KCNIP4: variants seen among roughly 807,000 people sequenced by gnomAD.
KCNIP4 encodes Kv channel-interacting protein 4.
A neutral mutation model predicts 34.0 loss-of-function variants in KCNIP4; 12 were observed. The observed-to-expected ratio is 0.35, with a 90% CI of 0.23 to 0.57. KCNIP4 has a LOEUF of 0.57. Among genes scored for constraint, KCNIP4 ranks in the 20% least tolerant of loss-of-function variants. The probability of loss-of-function intolerance (pLI) is 0.83; values close to 1 mark genes in which losing one functional copy is unlikely to be tolerated. For synonymous variants in KCNIP4, 124 were observed against 102.2 expected, an observed-to-expected ratio of 1.21 and a Z score of -1.29; for missense variants, 238 against 311.7, an observed-to-expected ratio of 0.76 and a Z score of 1.78.
At chr4:21,234,165 T>C (rs1453386516) in intron 1 of KCNIP4, among the ~76,000 whole-genome samples, 1 of 106,750 alleles carries the variant, frequency 9.4e-6, no homozygotes, top group African/African-American at 4.9e-5. Context: ...ATAACGTATA[T>C]TATATATAAC....
intron 1 of KCNIP4, among the ~76,000 whole-genome samples, chr4:21,419,354 A>AATG (rs1272711449): frequency 2.6e-5 from 4 of 151,880 alleles, no homozygotes; most frequent in Non-Finnish European, 4.4e-5. Context: ...ACACCAGGAA[A>AATG]ATGATGATGA....
intron 1 of KCNIP4, among the ~76,000 whole-genome samples, chr4:21,339,393 C>T (rs1428701413): frequency 6.6e-6 from 1 of 152,156 alleles, no homozygotes; most frequent in Non-Finnish European, 1.5e-5. Context: ...TATGGAAAGG[C>T]ACTTACTAGC....
intron 5 of KCNIP4, among the ~76,000 whole-genome samples, chr4:20,741,950 G>A (rs114996784): frequency 0.21 from 32,243 of 152,054 alleles, 3,752 homozygotes; most frequent in East Asian, 0.45. Context: ...ACCTCTATGC[G>A]AATAAACTAG....
intron 1 of KCNIP4, among the ~76,000 whole-genome samples, chr4:21,797,204 G>C (rs1174652724): frequency 6.6e-6 from 1 of 152,184 alleles, no homozygotes; most frequent in Non-Finnish European, 1.5e-5. Flanking sequence ...CTAAAGTGCA[G>C]TGGCGTGATC....
chr4:21,058,840 C>A lies in KCNIP4; in HGVS notation c.62-176131G>T, dbSNP rs146812404. Among the ~76,000 whole-genome samples the A allele has an allele frequency of 3.7e-3, 556 of 152,188 alleles. 4 individuals are homozygous for A. The highest frequency in any genetic ancestry group is 5.4e-3 in the Non-Finnish European group (368 of 67,990). ...GCCCAATGACTGACTGTGGTAGGAA[C>A]CCCTGATTCTTCTGATTAAAAATGA... On this transcript the variant is annotated intron_variant, in intron 1 of 8. Transcript: ENST00000382152.
intron 1 of KCNIP4, among the ~76,000 whole-genome samples, chr4:21,235,329 G>A (rs759488716): frequency 2.0e-5 from 3 of 152,120 alleles, no homozygotes; most frequent in Non-Finnish European, 4.4e-5. Context: ...TTGAGAACTG[G>A]CTCCTGGCTC....
At chr4:21,757,219 GAAA>G (rs1717680176) in intron 1 of KCNIP4, among the ~76,000 whole-genome samples, 1 of 21,714 alleles carries the variant, frequency 4.6e-5, no homozygotes, top group African/African-American at 3.5e-4. Flanking sequence ...AAGAAAGAAA[GAAA>G]GAAAGAAAGA....
chr4:21,473,303 T>C (rs1274105328), intron 1 of KCNIP4, among the ~76,000 whole-genome samples: 2 of 152,114 alleles, frequency 1.3e-5, no homozygotes, highest in Admixed American at 6.5e-5. Context: ...GGGAAATCCT[T>C]TAAACTGTCA....
intron 1 of KCNIP4, among the ~76,000 whole-genome samples, chr4:21,874,163 C>T (rs969484362): frequency 6.6e-5 from 10 of 152,210 alleles, no homozygotes; most frequent in African/African-American, 2.4e-4. Flanking sequence ...GGTTATGTCA[C>T]ATTCGATTAC....
chr4:21,017,770 G>A (rs1468487668), intron 1 of KCNIP4, among the ~76,000 whole-genome samples: 1 of 152,134 alleles, frequency 6.6e-6, no homozygotes, highest in East Asian at 1.9e-4. Flanking sequence ...TGGCCACACT[G>A]TCTTCTATGA....
intron 1 of KCNIP4, among the ~76,000 whole-genome samples, chr4:21,315,047 A>G (rs752265136): frequency 9.9e-5 from 15 of 152,208 alleles, no homozygotes; most frequent in Non-Finnish European, 1.9e-4. Context: ...CACAAATCCT[A>G]ACTGGATACT....
chr4:21,317,535 C>T (rs968397227), intron 1 of KCNIP4, among the ~76,000 whole-genome samples: 1 of 152,102 alleles, frequency 6.6e-6, no homozygotes, highest in African/African-American at 2.4e-5. Context: ...ACACTAACTC[C>T]TATTATACAT....
At chr4:20,984,104 A>G (rs981807205) in intron 1 of KCNIP4, 1 of 902,408 alleles carries the variant, frequency 1.1e-6, no homozygotes, top group Non-Finnish European at 1.6e-6. Context: ...GACCTGGGCT[A>G]AAGTCCAGCT....
chr4:21,544,986 T>C lies in KCNIP4; in HGVS notation c.61+403585A>G, dbSNP rs532829459. On this transcript the variant is annotated intron_variant, in intron 1 of 8. Coordinates refer to ENST00000382152, the MANE Select transcript of KCNIP4 (RefSeq NM_025221.6). ...GGCTGGGTAAAATAAGGCTGAGATC[T>C]GCTGGGCTGCATTCCCAGGAGGTTA... Among the ~76,000 whole-genome samples, 14 of 152,238 alleles carry C rather than the reference T, an allele frequency of 9.2e-5. No homozygotes were observed. The East Asian group carries it at 2.5e-3, about 27-fold the overall frequency.
intron 1 of KCNIP4, among the ~76,000 whole-genome samples, chr4:21,946,762 C>T (rs1730533930): frequency 6.6e-6 from 1 of 152,200 alleles, no homozygotes; most frequent in Admixed American, 6.5e-5. Context: ...GAAAACTCAT[C>T]ACTTTGGTCT....
chr4:21,154,954 G>C (rs1189280409), intron 1 of KCNIP4, among the ~76,000 whole-genome samples: 2 of 152,048 alleles, frequency 1.3e-5, no homozygotes, highest in African/African-American at 4.8e-5. Context: ...AATATTTTAG[G>C]CTTTATAGCC....
Position 21,033,100 on chromosome 4 carries a change from GAATA to G in KCNIP4, c.62-150395_62-150392del, listed in dbSNP as rs199532921. Among the ~76,000 whole-genome samples the G allele has an allele frequency of 5.4e-3, 820 of 152,142 alleles. 6 individuals carry two copies. The highest frequency in any genetic ancestry group is 0.018 in the African/African-American group (753 of 41,528). On this transcript the variant is annotated intron_variant, in intron 1 of 8. Transcript: ENST00000382152. ...ACTACTAATAACAAAATGAATGAAT[GAATA>G]AATAAATAAATAAAATTTAAACCAC...
intron 1 of KCNIP4, among the ~76,000 whole-genome samples, chr4:21,868,936 A>C (rs189962610): frequency 6.2e-4 from 95 of 152,350 alleles, no homozygotes; most frequent in African/African-American, 2.0e-3. Flanking sequence ...CAACAGGATT[A>C]TTTGTTAAAA....
chr4:21,496,758 T>C (rs1732882930), intron 1 of KCNIP4, among the ~76,000 whole-genome samples: 1 of 152,154 alleles, frequency 6.6e-6, no homozygotes, highest in South Asian at 2.1e-4. Context: ...CAGATCTGGG[T>C]GGCATTAGAT....
Sources: allele counts gnomAD v4.1 joint callset (sites outside exome capture counted in the v4.1 genomes callset), GRCh38; gene constraint gnomAD v4.1.1; transcripts MANE v1.5; gene names NCBI Gene and HGNC (gene_info 2026-07-23, HGNC 2026-07-21).